Variants in RAPGEF4 observed in about 807,000 individuals in gnomAD.
RAPGEF4 encodes RAP guanine-nucleotide-exchange factor (GEF) 4.
Under a neutral mutation model 147.9 loss-of-function variants are expected in RAPGEF4, and 66 were observed. The observed-to-expected ratio is 0.45, with a 90% CI of 0.37 to 0.55. The LOEUF is 0.55. Among genes scored for constraint, RAPGEF4 ranks in the 20% least tolerant of loss-of-function variants. RAPGEF4 has a pLI of 0.00. For synonymous variants in RAPGEF4, 419 were observed against 442.7 expected (o/e 0.95, Z 0.67); for missense variants, 1,071 against 1,257.3 (o/e 0.85, Z 2.24).
At chr2:172,980,533 G>A (rs940590784) in intron 10 of RAPGEF4, among the ~76,000 whole-genome samples, 2 of 152,162 alleles carry the variant, frequency 1.3e-5, no homozygotes, top group Non-Finnish European at 2.9e-5. Context: ...AGCCAAGGGG[G>A]AGGAGCATGG....
chr2:172,936,009 G>A (rs1686521946), intron 6 of RAPGEF4, among the ~76,000 whole-genome samples: 1 of 152,156 alleles, frequency 6.6e-6, no homozygotes, highest in Non-Finnish European at 1.5e-5. Flanking sequence ...TAGCAAGATG[G>A]TGGATTTTAA....
At chr2:172,851,232 A>T (rs1257759144) in intron 4 of RAPGEF4, among the ~76,000 whole-genome samples, 1 of 152,154 alleles carries the variant, frequency 6.6e-6, no homozygotes, top group African/African-American at 2.4e-5. Context: ...GTTAATTTCC[A>T]TGTAATTTTA....
chr2:172,963,626 G>A (rs1689525456), intron 8 of RAPGEF4, among the ~76,000 whole-genome samples: 1 of 152,130 alleles, frequency 6.6e-6, no homozygotes, highest in Non-Finnish European at 1.5e-5. Flanking sequence ...TCCATGCCCT[G>A]TGACACAAAT....
chr2:172,843,294 A>G (rs1029597773), intron 4 of RAPGEF4, among the ~76,000 whole-genome samples: 1 of 152,232 alleles, frequency 6.6e-6, no homozygotes, highest in Non-Finnish European at 1.5e-5. Context: ...TGTCACTGTT[A>G]TGAGCTAAGT....
At chr2:173,038,762 A>T (rs1027703217) in intron 29 of RAPGEF4, among the ~76,000 whole-genome samples, 2 of 151,764 alleles carry the variant, frequency 1.3e-5, no homozygotes, top group East Asian at 3.9e-4. Flanking sequence ...AAAATAAAAT[A>T]AATTTTTAAA....
At chr2:172,869,438 A>G (rs1405573805) in intron 4 of RAPGEF4, among the ~76,000 whole-genome samples, 3 of 152,222 alleles carry the variant, frequency 2.0e-5, no homozygotes, top group Non-Finnish European at 4.4e-5. Flanking sequence ...TTTATGCTGT[A>G]TATTAGAAAG....
intron 4 of RAPGEF4, among the ~76,000 whole-genome samples, chr2:172,853,978 A>G (rs1040596362): frequency 2.0e-5 from 3 of 152,064 alleles, no homozygotes; most frequent in African/African-American, 7.2e-5. Context: ...TTAATAACTT[A>G]TATTTCACTG....
At chr2:172,738,972 AGACAG>A (rs1694059964) in intron 1 of RAPGEF4, among the ~76,000 whole-genome samples, 1 of 152,252 alleles carries the variant, frequency 6.6e-6, no homozygotes, top group Non-Finnish European at 1.5e-5. Context: ...AAGCTATCAT[AGACAG>A]GACAATATTT....
Position 172,922,277 on chromosome 2 carries a change from T to C in RAPGEF4, c.518-4T>C. On this transcript the variant is annotated splice_region_variant and splice_polypyrimidine_tract_variant and intron_variant, in intron 5 of 30. Coordinates refer to ENST00000397081, the MANE Select transcript of RAPGEF4 (RefSeq NM_007023.4). ...CCTCTCTCTGTCTCTTTTTCCTCCTTTAGGGATTCCTGACAAGGAGAACGT... is the reference window on the plus strand; with the variant it reads ...CCTCTCTCTGTCTCTTTTTCCTCCTCTAGGGATTCCTGACAAGGAGAACGT... The C allele has an allele frequency of 5.6e-6, 9 of 1,607,300 alleles. No individual in the cohort carries two copies. Among genetic ancestry groups the C allele is most frequent in the Non-Finnish European group, 7.7e-6 (9 of 1,173,820 alleles).
chr2:172,935,436 C>G (rs1044679307), intron 6 of RAPGEF4, among the ~76,000 whole-genome samples: 2 of 152,102 alleles, frequency 1.3e-5, no homozygotes, highest in African/African-American at 4.8e-5. Context: ...ATGGGGAGGT[C>G]TGTGCCCAGA....
intron 4 of RAPGEF4, among the ~76,000 whole-genome samples, chr2:172,882,013 C>T (rs966277603): frequency 6.6e-6 from 1 of 152,184 alleles, no homozygotes; most frequent in African/African-American, 2.4e-5. Context: ...CTCTTTTAGA[C>T]ATACAGATGG....
rs1224067924 is a variant in RAPGEF4 at position 173,048,727 on chromosome 2, C to T, written c.2908+73C>T. ...GGTCTTCTTAATGAGGCCATTGAGA[C>T]ACCCTTGGAGCCTGGGAAATATCTG... is the stretch of plus-strand genomic sequence containing the variant. On this transcript the variant is annotated intron_variant, in intron 30 of 30. Transcript: ENST00000397081. The T allele has an allele frequency of 3.1e-6, 5 of 1,608,820 alleles. No homozygotes were observed. In the African/African-American group the frequency reaches 4.0e-5, roughly 13 times the overall value.
intron 3 of RAPGEF4, among the ~76,000 whole-genome samples, chr2:172,804,159 T>C (rs999038957): frequency 2.0e-5 from 3 of 152,226 alleles, no homozygotes; most frequent in Non-Finnish European, 4.4e-5. Flanking sequence ...CATATGGTGG[T>C]AGAAAGATAT....
At chr2:172,965,513 A>C (rs760773337) in intron 8 of RAPGEF4, 49 bp from the exon 9 acceptor site, 1 of 1,586,108 alleles carries the variant, frequency 6.3e-7, no homozygotes, top group Admixed American at 1.7e-5. Flanking sequence ...CCCATCCTCT[A>C]TCTGAAAAGG....
intron 1 of RAPGEF4, among the ~76,000 whole-genome samples, chr2:172,780,540 A>G (rs1221549833): frequency 6.6e-6 from 1 of 152,028 alleles, no homozygotes; most frequent in Non-Finnish European, 1.5e-5. Context: ...TTGTAAATTT[A>G]TGTCTTCTTT....
chr2:172,764,338 C>T (rs904063343), intron 1 of RAPGEF4, among the ~76,000 whole-genome samples: 44 of 152,144 alleles, frequency 2.9e-4, no homozygotes, highest in Admixed American at 8.5e-4. Context: ...TATCTCCTTA[C>T]ATGATTCTTA....
intron 4 of RAPGEF4, among the ~76,000 whole-genome samples, chr2:172,894,654 C>G (rs1394724156): frequency 6.6e-6 from 1 of 152,122 alleles, no homozygotes; most frequent in Non-Finnish European, 1.5e-5. Context: ...GAAATTTAGA[C>G]TGACTGCATG....
chr2:172,868,252 C>T (rs1231024605), intron 4 of RAPGEF4, among the ~76,000 whole-genome samples: 2 of 152,188 alleles, frequency 1.3e-5, no homozygotes, highest in Non-Finnish European at 2.9e-5. Flanking sequence ...TCACCCAACT[C>T]ATATCCTTAA....
At chr2:172,813,200 C>T (rs1284195217) in intron 3 of RAPGEF4, among the ~76,000 whole-genome samples, 1 of 152,136 alleles carries the variant, frequency 6.6e-6, no homozygotes, top group Non-Finnish European at 1.5e-5. Context: ...TGCCTATTAT[C>T]GTATATTAGA....
Sources: gnomAD v4.1 joint callset for allele counts (sites outside exome capture counted in the v4.1 genomes callset) on GRCh38, gnomAD v4.1.1 for gene constraint, MANE v1.5 for transcripts, NCBI Gene and HGNC (gene_info 2026-07-23, HGNC 2026-07-21) for gene names.